DYNC2H1: variants seen among roughly 807,000 people sequenced by gnomAD.
DYNC2H1 encodes dynein cytoplasmic 2 heavy chain 1, also known as cytoplasmic dynein 2 heavy chain 1.
Under a neutral mutation model 570.0 loss-of-function variants are expected in DYNC2H1, and 410 were observed. The ratio of observed to expected loss-of-function variants is 0.72; its 90% CI spans 0.66 to 0.78. DYNC2H1 has a LOEUF of 0.78. DYNC2H1 is among the 30% of genes least tolerant of loss of function. DYNC2H1 has a pLI of 0.00. For missense variants in DYNC2H1, 4,865 were observed against 5,046.4 expected (o/e 0.96, Z 1.09); for synonymous variants, 1,688 against 1,677.6 (o/e 1.01, Z -0.15).
intron 85 of DYNC2H1, among the ~76,000 whole-genome samples, chr11:103,449,673 T>TGTC (rs5794238): frequency 0.61 from 92,199 of 151,654 alleles, 29,770 homozygotes; most frequent in African/African-American, 0.81. Flanking sequence ...TCATTTTCAT[T>TGTC]ATTATTCTTA....
chr11:103,143,158 A>T, intron 17 of DYNC2H1, 110 bp from the exon 18 acceptor site: 3 of 1,020,622 alleles, frequency 2.9e-6, no homozygotes, highest in Non-Finnish European at 4.3e-6. Context: ...ACACTTGAAT[A>T]CCTCATATTT....
At chr11:103,400,236 C>A (rs1270518687) in intron 84 of DYNC2H1, among the ~76,000 whole-genome samples, 1 of 152,168 alleles carries the variant, frequency 6.6e-6, no homozygotes, top group Non-Finnish European at 1.5e-5. Context: ...GTAACACACA[C>A]AAAAATCTTA....
chr11:103,229,828 T>A (rs1407577122), intron 59 of DYNC2H1, among the ~76,000 whole-genome samples: 2 of 152,202 alleles, frequency 1.3e-5, no homozygotes, highest in South Asian at 2.1e-4. Context: ...TAAAAGTGTC[T>A]ATAATATATT....
intron 17 of DYNC2H1, 54 bp from the exon 18 acceptor site, chr11:103,143,214 G>T: frequency 1.3e-6 from 2 of 1,568,668 alleles, no homozygotes; most frequent in Middle Eastern, 2.1e-4. Context: ...TCTATTATAT[G>T]TTAACATATT....
At chr11:103,455,351 T>A in intron 86 of DYNC2H1, 56 bp downstream of exon 86, 1 of 1,416,810 alleles carries the variant, frequency 7.1e-7, no homozygotes, top group South Asian at 1.2e-5. Flanking sequence ...AGTTTTGCTT[T>A]ATTGACTTCC....
intron 65 of DYNC2H1, among the ~76,000 whole-genome samples, chr11:103,253,077 C>T (rs1008003152): frequency 3.9e-5 from 6 of 152,144 alleles, no homozygotes; most frequent in African/African-American, 1.4e-4. Context: ...ATCCCAGGAT[C>T]TTCTTAGTGA....
At chr11:103,174,798 T>C (rs1861727917) in intron 36 of DYNC2H1, among the ~76,000 whole-genome samples, 1 of 152,012 alleles carries the variant, frequency 6.6e-6, no homozygotes, top group Non-Finnish European at 1.5e-5. Flanking sequence ...CACCTGGCTA[T>C]GGTAGTGTTG....
chr11:103,356,666 C>T (rs1485698091), intron 82 of DYNC2H1, among the ~76,000 whole-genome samples: 1 of 152,040 alleles, frequency 6.6e-6, no homozygotes, highest in Non-Finnish European at 1.5e-5. Flanking sequence ...TCAGCTAGAG[C>T]AAATGAAAAT....
chr11:103,314,115 T>A (rs913740907), intron 79 of DYNC2H1, among the ~76,000 whole-genome samples: 1 of 152,126 alleles, frequency 6.6e-6, no homozygotes, highest in Non-Finnish European at 1.5e-5. Flanking sequence ...AAAAAAGATA[T>A]AAAATGGTTT....
chr11:103,332,886 G>A (rs1938895014), intron 82 of DYNC2H1, among the ~76,000 whole-genome samples: 1 of 151,820 alleles, frequency 6.6e-6, no homozygotes, highest in Admixed American at 6.6e-5. Flanking sequence ...GCCTGTAATC[G>A]CAGCTGCTCA....
chr11:103,195,715 A>G (rs1862486156), intron 47 of DYNC2H1, among the ~76,000 whole-genome samples: 3 of 152,208 alleles, frequency 2.0e-5, no homozygotes, highest in South Asian at 4.1e-4. Flanking sequence ...TTAAATCAGT[A>G]TATTGATTTG....
chr11:103,228,510 A>G lies in DYNC2H1; in HGVS notation c.9354-2750A>G, dbSNP rs1863881942. On this transcript the variant is annotated intron_variant, in intron 59 of 88. Coordinates refer to ENST00000375735, the MANE Select transcript of DYNC2H1 (RefSeq NM_001377.3). The surrounding 1 kb of genome is among the most constrained non-coding windows in gnomAD (Gnocchi z 6.1). ...ACTGGGCTCTGGGCTGGTGTTGGGG[A>G]GTGTCTGCACAGAGTCCTGTGATGT... 6.6e-6 allele frequency among the ~76,000 whole-genome samples: 1 copy of G among 152,004 alleles called. No homozygotes were observed. Among genetic ancestry groups the G allele is most frequent in the African/African-American group, 2.4e-5 (1 of 41,378 alleles).
rs766285519 is a variant in DYNC2H1 at position 103,181,842 on chromosome 11, A to T, written c.6433A>T (p.Ile2145Phe). 2 of 1,602,138 alleles carry T rather than the reference A, an allele frequency of 1.2e-6. No individual in the cohort carries two copies. The highest frequency in any genetic ancestry group is 4.5e-5 in the East Asian group (2 of 44,410). The change falls in exon 40 of 89, where the codon ATT (isoleucine) becomes TTT (phenylalanine). Residue 2145 changes from isoleucine (I) to phenylalanine (F), a missense_variant. Physicochemically the swap from Ile to Phe is conservative, Grantham distance 21 (BLOSUM62 0). Around this residue, in one of 5 missense-constraint regions of DYNC2H1, gnomAD observed 231 missense variants for 310.3 expected, o/e 0.74. Coordinates refer to ENST00000375735, the MANE Select transcript of DYNC2H1 (RefSeq NM_001377.3). This position sits in a 1 kb window ranked among gnomAD's most constrained non-coding sequence, Gnocchi z 5.0. Reference protein sequence around the residue: ...AEYRNNLENWIGDYFEKALQW... With the variant: ...AEYRNNLENWFGDYFEKALQW... The stretch of plus-strand genomic sequence containing the variant: ...ATATAGAAATAATCTTGAAAATTGG[A>T]TTGGAGATTATTTTGAAAAGGCTTT...
intron 84 of DYNC2H1, chr11:103,403,628 A>G (rs72983452): frequency 0.053 from 8,027 of 152,180 alleles, 261 homozygotes; most frequent in Non-Finnish European, 0.076. Context: ...GTAGCAGTCA[A>G]GGTAGTTTAA....
chr11:103,126,772 G>A (rs1049375739), intron 12 of DYNC2H1, among the ~76,000 whole-genome samples: 1 of 152,004 alleles, frequency 6.6e-6, no homozygotes, highest in Non-Finnish European at 1.5e-5. Flanking sequence ...GAGTAGCTGG[G>A]ACTATAGGGG....
At chr11:103,125,622 G>A (rs1005648493) in intron 12 of DYNC2H1, among the ~76,000 whole-genome samples, 1 of 152,154 alleles carries the variant, frequency 6.6e-6, no homozygotes, top group African/African-American at 2.4e-5. Flanking sequence ...TAGGAGCAGA[G>A]TCATAAAGAA....
chr11:103,315,253 A>G (rs1937758143), intron 79 of DYNC2H1, among the ~76,000 whole-genome samples: 1 of 152,168 alleles, frequency 6.6e-6, no homozygotes, highest in South Asian at 2.1e-4. Flanking sequence ...AAGCACTAGA[A>G]TTTAAGCTTC....
intron 59 of DYNC2H1, among the ~76,000 whole-genome samples, chr11:103,224,755 G>A (rs1029899094): frequency 2.0e-5 from 3 of 152,024 alleles, no homozygotes; most frequent in African/African-American, 7.3e-5. Flanking sequence ...TTTTCCTCTG[G>A]GTAGATACCT....
intron 85 of DYNC2H1, among the ~76,000 whole-genome samples, chr11:103,450,709 T>C (rs182933391): frequency 6.6e-6 from 1 of 152,300 alleles, no homozygotes; most frequent in African/African-American, 2.4e-5. Context: ...AATTACTTAT[T>C]TGCATTAAAC....
Sources: allele counts gnomAD v4.1 joint callset (sites outside exome capture counted in the v4.1 genomes callset), GRCh38; gene constraint gnomAD v4.1.1; regional missense constraint gnomAD v4.1.1; non-coding constraint Gnocchi (gnomAD v3.1); transcripts MANE v1.5; gene names NCBI Gene and HGNC (gene_info 2026-07-23, HGNC 2026-07-21).